The following STARD13 variants were observed in gnomAD, a reference collection of about 807,000 sequenced individuals.
STARD13 encodes the protein stAR-related lipid transfer protein 13.
In STARD13, 62 loss-of-function variants were observed where a neutral mutation model predicts 106.4. That is an observed-to-expected ratio of 0.58 (90% CI 0.48 to 0.72). The LOEUF (loss-of-function observed/expected upper bound fraction) is 0.72. Ranked by LOEUF, STARD13 falls within the 30% of genes least tolerant of loss-of-function variation. STARD13 has a pLI of 0.00. For missense variants in STARD13, 1,387 were observed against 1,424.0 expected (o/e 0.97, Z 0.42); for synonymous variants, 565 against 553.0 (o/e 1.02, Z -0.31).
At chr13:33,350,223 C>T (rs1488384594) in intron 1 of STARD13, 62 of 1,456,056 alleles carry the variant, frequency 4.3e-5, no homozygotes, top group Admixed American at 1.5e-4. Context: ...GGGCGGCGGG[C>T]CCGGGCGGGC....
chr13:33,156,807 A>G (rs1007652689), intron 3 of STARD13, among the ~76,000 whole-genome samples: 8 of 152,196 alleles, frequency 5.3e-5, no homozygotes, highest in African/African-American at 1.4e-4. Flanking sequence ...AGCACTTTGT[A>G]AGTGTTTTAA....
upstream of STARD13, among the ~76,000 whole-genome samples, chr13:33,290,315 C>T (rs574475583): frequency 7.6e-4 from 115 of 152,278 alleles, no homozygotes; most frequent in Middle Eastern, 3.4e-3. Flanking sequence ...AGGCTGCTTT[C>T]GAAATTACAT....
At chr13:33,665,860 A>G in the STARD13 span, among the ~76,000 whole-genome samples, 3 of 152,262 alleles carry the variant, frequency 2.0e-5, no homozygotes, top group South Asian at 6.2e-4. Flanking sequence ...CGGTGCCATA[A>G]CTTTTGATTA....
chr13:33,132,101 C>A (rs1878374295), intron 4 of STARD13, among the ~76,000 whole-genome samples: 1 of 152,074 alleles, frequency 6.6e-6, no homozygotes, highest in South Asian at 2.1e-4. Flanking sequence ...ATCTAGTTTC[C>A]GTGTAGGTTT....
chr13:33,267,771 T>C (rs1027958611), intron 1 of STARD13, among the ~76,000 whole-genome samples: 2 of 152,222 alleles, frequency 1.3e-5, no homozygotes, highest in African/African-American at 4.8e-5. Flanking sequence ...TAAAAGGCTG[T>C]CTTTGACAAG....
the STARD13 span, among the ~76,000 whole-genome samples, chr13:33,401,144 T>G: frequency 3.7e-4 from 56 of 152,312 alleles, no homozygotes; most frequent in African/African-American, 1.3e-3. Context: ...ATCTTCTCAG[T>G]GAACAGTAAC....
chr13:33,253,499 C>T (rs1040810883), intron 1 of STARD13, among the ~76,000 whole-genome samples: 1 of 152,192 alleles, frequency 6.6e-6, no homozygotes, highest in African/African-American at 2.4e-5. Context: ...AATGAAGGTT[C>T]CACCTACAAC....
At chr13:33,186,624 C>A (rs1419916750) in intron 1 of STARD13, among the ~76,000 whole-genome samples, 1 of 152,140 alleles carries the variant, frequency 6.6e-6, no homozygotes, top group Non-Finnish European at 1.5e-5. Flanking sequence ...TATGGTACTT[C>A]TTTTTTCTGT....
the STARD13 span, among the ~76,000 whole-genome samples, chr13:33,386,459 C>T: frequency 1.3e-5 from 2 of 152,092 alleles, no homozygotes; most frequent in Non-Finnish European, 2.9e-5. Context: ...AAGGCTGATT[C>T]TTCTCCAGGA....
intron 1 of STARD13, among the ~76,000 whole-genome samples, chr13:33,225,772 C>T (rs746924570): frequency 1.3e-5 from 2 of 151,810 alleles, no homozygotes; most frequent in Admixed American, 6.6e-5. Flanking sequence ...AACAACTCTT[C>T]GTATTAATAT....
the STARD13 span, among the ~76,000 whole-genome samples, chr13:33,364,616 G>A: frequency 4.6e-5 from 7 of 152,218 alleles, no homozygotes; most frequent in African/African-American, 1.2e-4. Context: ...GAGGCTGGGC[G>A]CGGTGGCTCA....
chr13:33,553,086 T>C, the STARD13 span, among the ~76,000 whole-genome samples: 5 of 152,156 alleles, frequency 3.3e-5, no homozygotes, highest in Non-Finnish European at 7.4e-5. Context: ...TAAAAATACA[T>C]TGCCAAACAT....
chr13:33,386,777 A>G, the STARD13 span, among the ~76,000 whole-genome samples: 5 of 152,022 alleles, frequency 3.3e-5, no homozygotes, highest in African/African-American at 4.8e-5. Flanking sequence ...TGGCACTGGA[A>G]TCCTGGGGGC....
intron 1 of STARD13, among the ~76,000 whole-genome samples, chr13:33,180,035 A>G (rs906348522): frequency 6.6e-6 from 1 of 152,222 alleles, no homozygotes; most frequent in Non-Finnish European, 1.5e-5. Context: ...TTCTTACACG[A>G]CAAGTATCTA....
chr13:33,666,311 TGA>T, the STARD13 span, among the ~76,000 whole-genome samples: 1 of 152,226 alleles, frequency 6.6e-6, no homozygotes, highest in South Asian at 2.1e-4. Flanking sequence ...TGGTTTTTTT[TGA>T]GAGAGAGTCT....
At chr13:33,423,860 G>A in the STARD13 span, among the ~76,000 whole-genome samples, 6 of 152,182 alleles carry the variant, frequency 3.9e-5, no homozygotes, top group African/African-American at 9.6e-5. Context: ...AACCAAACAC[G>A]GCATGTTCTC....
chr13:33,647,109 G>A, the STARD13 span, among the ~76,000 whole-genome samples: 15 of 152,230 alleles, frequency 9.9e-5, no homozygotes, highest in East Asian at 2.9e-3. Flanking sequence ...TTTTACTAAT[G>A]TTTGACTAGT....
chr13:33,580,518 G>A, the STARD13 span, among the ~76,000 whole-genome samples: 110 of 152,164 alleles, frequency 7.2e-4, no homozygotes, highest in Non-Finnish European at 1.1e-3. Context: ...ACACAACACA[G>A]CGTGAACCTT....
chr13:33,538,310 A>G, the STARD13 span, among the ~76,000 whole-genome samples: 1 of 152,184 alleles, frequency 6.6e-6, no homozygotes, highest in South Asian at 2.1e-4. Flanking sequence ...AGTTACACAG[A>G]TAATGGCAAC....
Sources: allele counts gnomAD v4.1 joint callset (sites outside exome capture counted in the v4.1 genomes callset), GRCh38; gene constraint gnomAD v4.1.1; transcripts MANE v1.5; gene names NCBI Gene and HGNC (gene_info 2026-07-23, HGNC 2026-07-21).